Variants in RARS2 observed in about 807,000 individuals in gnomAD.
RARS2 encodes probable arginine--tRNA ligase, mitochondrial.
In RARS2, 67 loss-of-function variants were observed where a neutral mutation model predicts 88.5. The ratio of observed to expected loss-of-function variants is 0.76; its 90% CI spans 0.62 to 0.93. RARS2 has a LOEUF of 0.93. Among genes scored for constraint, RARS2 ranks in the 40% least tolerant of loss-of-function variants. The probability of loss-of-function intolerance (pLI) is 0.00; values close to 1 mark genes in which losing one functional copy is unlikely to be tolerated. For synonymous variants in RARS2, 239 were observed against 230.3 expected (o/e 1.04, Z -0.34); for missense variants, 664 against 684.2 (o/e 0.97, Z 0.33).
chr6:87,533,040 G>A (rs772808815), intron 8 of RARS2, among the ~76,000 whole-genome samples: 9 of 151,816 alleles, frequency 5.9e-5, no homozygotes, highest in Non-Finnish European at 8.8e-5. Context: ...ACATACATGT[G>A]CACACAAGTT....
At chr6:87,520,916 T>C (rs1368324459) in intron 12 of RARS2, among the ~76,000 whole-genome samples, 3 of 152,242 alleles carry the variant, frequency 2.0e-5, no homozygotes, top group Admixed American at 6.5e-5. Flanking sequence ...TTCTATATTC[T>C]GAATGTGGTG....
chr6:87,585,604 C>A (rs773108419), intron 1 of RARS2, among the ~76,000 whole-genome samples: 2 of 152,058 alleles, frequency 1.3e-5, no homozygotes, highest in African/African-American at 2.4e-5. Flanking sequence ...TGGTGGCGGG[C>A]ACCTGTAGTC....
intron 17 of RARS2, among the ~76,000 whole-genome samples, chr6:87,517,794 G>A (rs1460413215): frequency 1.3e-5 from 2 of 152,192 alleles, no homozygotes; most frequent in African/African-American, 4.8e-5. Context: ...AAGGACTTAC[G>A]GTCTCTGGGA....
At chr6:87,545,773 A>G in intron 6 of RARS2, 74 bp from the exon 7 acceptor site, 2 of 1,503,508 alleles carry the variant, frequency 1.3e-6, no homozygotes, top group Non-Finnish European at 1.8e-6. Flanking sequence ...GTACTTCTCT[A>G]TTATCAAACA....
In RARS2 at chr6:87,579,715, G is replaced by GTTTTT. The variant is rs35014020; in HGVS notation, c.37-10130_37-10126dup. On this transcript the variant is annotated intron_variant, in intron 1 of 19. Coordinates refer to ENST00000369536, the MANE Select transcript of RARS2 (RefSeq NM_020320.5). ...TTGAGAGCCACCGAGCATAGAGCAT[G>GTTTTT]TTTTTTTTTTTTTTTTTTTTTTTTT... is the stretch of plus-strand genomic sequence containing the variant. 2.6e-4 allele frequency among the ~76,000 whole-genome samples: 16 copies of GTTTTT among 60,468 alleles called. 1 individual carries two copies. Among genetic ancestry groups the GTTTTT allele is most frequent in the South Asian group, 6.2e-4 (1 of 1,624 alleles). The allele number at this position is 60,468 out of a possible 152,430, so 39.7% of individuals were successfully genotyped here. A position where few individuals can be genotyped will look rare whatever the true frequency, so the allele number is the denominator to read the frequency against.
chr6:87,579,675 A>G, intron 1 of RARS2, among the ~76,000 whole-genome samples: 1 of 147,430 alleles, frequency 6.8e-6, no homozygotes, highest in Non-Finnish European at 1.5e-5. Flanking sequence ...AGAGAGAGAG[A>G]GAAAATAAAA....
At chr6:87,542,853 T>A (rs769483241) in intron 7 of RARS2, among the ~76,000 whole-genome samples, 7 of 151,028 alleles carry the variant, frequency 4.6e-5, no homozygotes, top group Non-Finnish European at 8.9e-5. Flanking sequence ...TTAGGAGATA[T>A]ACCTAATGTT....
intron 8 of RARS2, among the ~76,000 whole-genome samples, chr6:87,539,964 C>T (rs1156401931): frequency 6.6e-6 from 1 of 151,994 alleles, no homozygotes; most frequent in African/African-American, 2.4e-5. Context: ...AAACTCCAGG[C>T]ACTAAGGGAA....
At chr6:87,586,264 G>C (rs1385660048) in intron 1 of RARS2, among the ~76,000 whole-genome samples, 1 of 152,006 alleles carries the variant, frequency 6.6e-6, no homozygotes, top group South Asian at 2.1e-4. Context: ...AAGATATAAA[G>C]ATAAAATCAA....
chr6:87,581,756 A>T (rs1394084144), intron 1 of RARS2, among the ~76,000 whole-genome samples: 1 of 151,722 alleles, frequency 6.6e-6, no homozygotes, highest in Non-Finnish European at 1.5e-5. Context: ...CACTCTTCCC[A>T]CCCCACCCCC....
chr6:87,562,413 G>A (rs1788122945), intron 4 of RARS2, among the ~76,000 whole-genome samples: 1 of 152,134 alleles, frequency 6.6e-6, no homozygotes. Flanking sequence ...TGTCTTATGG[G>A]ACCATCATCT....
chr6:87,579,733 T>G (rs1191998506), intron 1 of RARS2, among the ~76,000 whole-genome samples: 19 of 125,516 alleles, frequency 1.5e-4, no homozygotes, highest in African/African-American at 5.5e-4. Flanking sequence ...TTTTTTTTTT[T>G]TTTTTTTTTT....
chr6:87,515,276 CT>C, intron 18 of RARS2, among the ~76,000 whole-genome samples: 1 of 152,266 alleles, frequency 6.6e-6, no homozygotes, highest in Admixed American at 6.5e-5. Context: ...AATCCCAGCA[CT>C]TTGGGAGGCC....
In RARS2 at chr6:87,519,182, A is replaced by ATGTGTGTGTG. The variant is rs772148859; in HGVS notation, c.1238-292_1238-291insCACACACACA. On this transcript the variant is annotated intron_variant, in intron 14 of 19. Transcript: ENST00000369536. ...TATGTGTGTATATATATATAAATAT[A>ATGTGTGTGTG]TATGTGTGTGTGTGTGTGTGTGTGT... 7.5e-3 allele frequency: 1,546 copies of ATGTGTGTGTG among 205,032 alleles called. 3 individuals are homozygous for ATGTGTGTGTG. The highest frequency in any genetic ancestry group is 9.4e-3 in the Non-Finnish European group (1,090 of 115,726). The allele number at this position is 205,032 out of a possible 1,614,324, so 12.7% of individuals were successfully genotyped here. A position where few individuals can be genotyped will look rare whatever the true frequency, so the allele number is the denominator to read the frequency against.
At chr6:87,556,229 A>T (rs920790833) in intron 4 of RARS2, among the ~76,000 whole-genome samples, 4 of 152,174 alleles carry the variant, frequency 2.6e-5, no homozygotes, top group African/African-American at 9.7e-5. Context: ...CACAAAATTC[A>T]TATTTTATGT....
intron 8 of RARS2, among the ~76,000 whole-genome samples, chr6:87,534,557 T>C (rs1778562462): frequency 6.6e-6 from 1 of 152,238 alleles, no homozygotes. Flanking sequence ...ATGTGTACTT[T>C]GTTCTTGCTA....
Position 87,589,910 on chromosome 6 carries a change from C to G in RARS2, c.36+12G>C. ...TCCTCAGGGACTCCTCTGCGCGCTC[C>G]GGGATCCATACCTGGCAAGCAATAG... is the stretch of plus-strand genomic sequence containing the variant. On this transcript the variant is annotated intron_variant, in intron 1 of 19. Transcript: ENST00000369536. The G allele has an allele frequency of 1.2e-6, 2 of 1,612,420 alleles. No individual in the cohort carries two copies. The highest frequency in any genetic ancestry group is 1.7e-6 in the Non-Finnish European group (2 of 1,179,264).
Position 87,531,379 on chromosome 6 carries a change from T to G in RARS2, c.613-437A>C, listed in dbSNP as rs181092500. ...TATTTTTCAAAATGCCATATTATTA[T>G]CCTGTAACTTCGCTGAAAAAGGTTG... is the stretch of plus-strand genomic sequence containing the variant. On this transcript the variant is annotated intron_variant, in intron 8 of 19. Transcript: ENST00000369536. Among the ~76,000 whole-genome samples the G allele has an allele frequency of 3.3e-5, 5 of 152,316 alleles. No individual in the cohort carries two copies. In the East Asian group the frequency reaches 5.8e-4, roughly 18 times the overall value.
intron 14 of RARS2, chr6:87,519,139 A>ATT (rs72171848): frequency 2.4e-6 from 1 of 418,996 alleles, no homozygotes; most frequent in Non-Finnish European, 4.4e-6. Flanking sequence ...TGGATTTCTG[A>ATT]TTTTATATAT....
Sources: gnomAD v4.1 joint callset for allele counts (sites outside exome capture counted in the v4.1 genomes callset) on GRCh38, gnomAD v4.1.1 for gene constraint, MANE v1.5 for transcripts, NCBI Gene and HGNC (gene_info 2026-07-23, HGNC 2026-07-21) for gene names.